ZNF385B: variants seen among roughly 807,000 people sequenced by gnomAD.
ZNF385B encodes zinc finger protein 533.
Under a neutral mutation model 39.2 loss-of-function variants are expected in ZNF385B, and 23 were observed. The ratio of observed to expected loss-of-function variants is 0.59; its 90% CI spans 0.42 to 0.83. ZNF385B has a LOEUF of 0.83. Among genes scored for constraint, ZNF385B ranks in the 40% least tolerant of loss-of-function variants. ZNF385B has a pLI of 0.00. For synonymous variants in ZNF385B, 205 were observed against 222.6 expected (o/e 0.92, Z 0.70); for missense variants, 552 against 598.9 (o/e 0.92, Z 0.82).
intron 3 of ZNF385B, among the ~76,000 whole-genome samples, chr2:179,671,059 C>G (rs1345318861): frequency 2.0e-5 from 3 of 152,228 alleles, no homozygotes; most frequent in African/African-American, 7.2e-5. Context: ...GCACTTGCAA[C>G]AGTGACTGGC....
chr2:179,829,646 T>G (rs1707869260), intron 1 of ZNF385B, among the ~76,000 whole-genome samples: 2 of 152,130 alleles, frequency 1.3e-5, no homozygotes. Flanking sequence ...CCCAAGTAGC[T>G]GGGACTACAG....
chr2:179,617,755 T>C (rs947916175), intron 3 of ZNF385B, among the ~76,000 whole-genome samples: 4 of 152,176 alleles, frequency 2.6e-5, no homozygotes, highest in African/African-American at 9.6e-5. Context: ...GCTTGTTTGT[T>C]ACATGAGTAT....
intron 1 of ZNF385B, among the ~76,000 whole-genome samples, chr2:179,799,004 T>C (rs1705860796): frequency 6.6e-6 from 1 of 152,038 alleles, no homozygotes. Context: ...TTTGGTGATA[T>C]TTAGATATTT....
intron 3 of ZNF385B, chr2:179,576,277 A>G: frequency 1.5e-6 from 1 of 657,520 alleles, no homozygotes; most frequent in Non-Finnish European, 1.9e-6. Context: ...TCTAAAAATC[A>G]AAAGTGAACC....
chr2:179,647,988 TCAGAA>T (rs1449232367), intron 3 of ZNF385B, among the ~76,000 whole-genome samples: 5 of 150,942 alleles, frequency 3.3e-5, no homozygotes, highest in African/African-American at 4.9e-5. Flanking sequence ...AAAAGGGGGG[TCAGAA>T]CAGAACAGAG....
At chr2:179,679,935 G>T (rs1697367140) in intron 3 of ZNF385B, among the ~76,000 whole-genome samples, 1 of 152,144 alleles carries the variant, frequency 6.6e-6, no homozygotes, top group African/African-American at 2.4e-5. Flanking sequence ...ACTTTAAAGT[G>T]ACTGTACGTT....
chr2:179,794,497 A>G (rs1049599639), intron 1 of ZNF385B, among the ~76,000 whole-genome samples: 1 of 152,150 alleles, frequency 6.6e-6, no homozygotes, highest in African/African-American at 2.4e-5. Context: ...AACAGCCACA[A>G]TTTTGTAGGT....
intron 3 of ZNF385B, among the ~76,000 whole-genome samples, chr2:179,752,013 G>A (rs962967909): frequency 6.6e-6 from 1 of 152,010 alleles, no homozygotes; most frequent in African/African-American, 2.4e-5. Flanking sequence ...GTATACATGT[G>A]CCATGTTCGT....
intron 3 of ZNF385B, among the ~76,000 whole-genome samples, chr2:179,570,712 C>A (rs188044112): frequency 6.6e-6 from 1 of 152,230 alleles, no homozygotes; most frequent in East Asian, 1.9e-4. Flanking sequence ...TTGGTTTTCT[C>A]TTTATTTTGG....
chr2:179,626,957 A>C (rs1690715613), intron 3 of ZNF385B, among the ~76,000 whole-genome samples: 1 of 152,174 alleles, frequency 6.6e-6, no homozygotes. Flanking sequence ...AACATTCCCC[A>C]GAAGAAGATT....
In ZNF385B at chr2:179,445,662, G is replaced by A; in HGVS notation, c.1028C>T (p.Pro343Leu). The A allele has an allele frequency of 6.2e-7, 1 of 1,613,984 alleles. No homozygotes were observed. Among genetic ancestry groups the A allele is most frequent in the Non-Finnish European group, 8.5e-7 (1 of 1,179,946 alleles). The change falls in exon 8 of 10, where the codon CCT (proline) becomes CTT (leucine). Residue 343 changes from proline (P) to leucine (L), a missense_variant. Physicochemically the swap from Pro to Leu is moderately conservative, Grantham distance 98. Coordinates refer to ENST00000410066, the MANE Select transcript of ZNF385B (RefSeq NM_152520.6). ...ATTCTGCATCTTTAATCTTGATCCA[G>A]GTCTAGGATAGGATTTAATTGGACC... ...GAGPIKSYPR[P>L]GSRLKMQNGS...
At chr2:179,747,196 T>G (rs1394648683) in intron 3 of ZNF385B, among the ~76,000 whole-genome samples, 10 of 152,054 alleles carry the variant, frequency 6.6e-5, no homozygotes, top group Admixed American at 6.6e-4. Flanking sequence ...CAGCACACAT[T>G]TACGTAACAC....
chr2:179,576,684 C>A (rs1272537575), intron 3 of ZNF385B, among the ~76,000 whole-genome samples: 5 of 152,128 alleles, frequency 3.3e-5, no homozygotes, highest in African/African-American at 1.2e-4. Flanking sequence ...CAAATTTGAA[C>A]ATGATTCATA....
intron 3 of ZNF385B, among the ~76,000 whole-genome samples, chr2:179,613,475 G>T (rs759147820): frequency 2.0e-5 from 3 of 152,124 alleles, no homozygotes; most frequent in Non-Finnish European, 2.9e-5. Context: ...AGCAGGTGAT[G>T]CATCCTGACA....
At chr2:179,717,853 A>T (rs879707282) in intron 3 of ZNF385B, among the ~76,000 whole-genome samples, 15 of 152,238 alleles carry the variant, frequency 9.9e-5, no homozygotes, top group Admixed American at 5.9e-4. Flanking sequence ...AGGACATCAT[A>T]TATAATTTGT....
intron 3 of ZNF385B, among the ~76,000 whole-genome samples, chr2:179,661,938 T>G (rs1411859760): frequency 6.6e-6 from 1 of 152,248 alleles, no homozygotes; most frequent in Non-Finnish European, 1.5e-5. Context: ...AAAATGGTTT[T>G]GAAAATTTAC....
chr2:179,646,619 C>T (rs1333052691), intron 3 of ZNF385B, among the ~76,000 whole-genome samples: 3 of 151,654 alleles, frequency 2.0e-5, no homozygotes, highest in African/African-American at 4.9e-5. Context: ...GCCTGTAAAA[C>T]CTTCAGGTTC....
At chr2:179,608,285 C>G (rs1008239380) in intron 3 of ZNF385B, among the ~76,000 whole-genome samples, 31 of 151,970 alleles carry the variant, frequency 2.0e-4, no homozygotes, top group African/African-American at 7.2e-4. Flanking sequence ...ACTTTCAGAG[C>G]TGGACTTAGT....
intron 1 of ZNF385B, among the ~76,000 whole-genome samples, chr2:179,836,268 T>C (rs1708240338): frequency 6.6e-6 from 1 of 152,344 alleles, no homozygotes; most frequent in Admixed American, 6.5e-5. Context: ...TTGCCTCTCT[T>C]ATCCACTGCT....
Sources: allele counts gnomAD v4.1 joint callset (sites outside exome capture counted in the v4.1 genomes callset), GRCh38; gene constraint gnomAD v4.1.1; transcripts MANE v1.5; gene names NCBI Gene and HGNC (gene_info 2026-07-23, HGNC 2026-07-21).